Variants in GABRB2 observed in about 807,000 individuals in gnomAD.
GABRB2 encodes the protein gamma-aminobutyric acid type A receptor subunit beta2.
A neutral mutation model predicts 54.7 loss-of-function variants in GABRB2; 16 were observed. The observed-to-expected ratio is 0.29, with a 90% CI of 0.20 to 0.44. The LOEUF (loss-of-function observed/expected upper bound fraction) is 0.44. Ranked by LOEUF, GABRB2 falls within the 20% of genes least tolerant of loss-of-function variation. The pLI, the probability that GABRB2 is intolerant of heterozygous loss-of-function variation, is 1.00. For missense variants in GABRB2, 355 were observed against 644.0 expected (o/e 0.55, Z 4.86); for synonymous variants, 244 against 233.8 (o/e 1.04, Z -0.40).
intron 5 of GABRB2, among the ~76,000 whole-genome samples, chr5:161,352,407 A>G (rs1754501055): frequency 6.6e-6 from 1 of 152,088 alleles, no homozygotes; most frequent in Non-Finnish European, 1.5e-5. Context: ...ATTTGCGACA[A>G]CATGAATGAA....
intron 5 of GABRB2, among the ~76,000 whole-genome samples, chr5:161,402,108 C>G (rs1756214602): frequency 6.6e-6 from 1 of 151,398 alleles, no homozygotes; most frequent in African/African-American, 2.4e-5. Context: ...TACATTCATA[C>G]ATATAAAATC....
At chr5:161,340,376 A>G (rs11951722) in intron 5 of GABRB2, among the ~76,000 whole-genome samples, 3,585 of 152,056 alleles carry the variant, frequency 0.024, 142 homozygotes, top group African/African-American at 0.081. Flanking sequence ...GGTTTATATA[A>G]ATGCTTTCTC....
At chr5:161,456,233 A>G (rs1757952246) in intron 4 of GABRB2, among the ~76,000 whole-genome samples, 2 of 152,176 alleles carry the variant, frequency 1.3e-5, no homozygotes, top group Non-Finnish European at 2.9e-5. Flanking sequence ...TACCCAGACT[A>G]GTAAATTTTG....
intron 3 of GABRB2, among the ~76,000 whole-genome samples, chr5:161,514,456 G>A (rs928926707): frequency 1.3e-5 from 2 of 152,106 alleles, no homozygotes; most frequent in African/African-American, 4.8e-5. Flanking sequence ...GGTCTGTCTT[G>A]TTCATCTTTT....
intron 9 of GABRB2, among the ~76,000 whole-genome samples, chr5:161,324,580 A>T (rs979821367): frequency 1.3e-5 from 2 of 152,148 alleles, no homozygotes; most frequent in African/African-American, 4.8e-5. Context: ...TATAAATGAC[A>T]ATGCTTGAAT....
rs1295068246 is a variant in GABRB2, at chr5:161,330,906, T to G, written c.1054A>C (p.Lys352Gln). The change falls in exon 8 of 10, where the codon AAG (lysine) becomes CAG (glutamine). Residue 352 changes from lysine to glutamine, a missense_variant. Lys to Gln is a moderately conservative substitution (Grantham distance 53). This residue lies in a region of GABRB2 where 201 missense variants were observed against 228.1 expected (regional missense o/e 0.88). Coordinates refer to ENST00000393959, the MANE Select transcript of GABRB2 (RefSeq NM_001371727.1). The stretch of plus-strand genomic sequence containing the variant: ...ACCTTGTTGACATCCAGGCGCATCT[T>G]CTCATTGTTGGCACTGGCAGCCTTC... The part of the protein sequence containing the change: ...AEKAASANNE[K>Q]MRLDVNKIFY... The G allele has an allele frequency of 1.2e-6, 2 of 1,614,226 alleles. No homozygotes were observed. Among genetic ancestry groups the G allele is most frequent in the Non-Finnish European group, 1.7e-6 (2 of 1,180,030 alleles).
chr5:161,487,975 C>G (rs922250294), intron 3 of GABRB2, among the ~76,000 whole-genome samples: 2 of 151,610 alleles, frequency 1.3e-5, no homozygotes, highest in Non-Finnish European at 2.9e-5. Flanking sequence ...CCCTTAAGAA[C>G]TACAAGAGAA....
chr5:161,299,196 C>T (rs544586478), intron 9 of GABRB2, among the ~76,000 whole-genome samples: 1 of 152,312 alleles, frequency 6.6e-6, no homozygotes, highest in Admixed American at 6.5e-5. Flanking sequence ...GACATCTGTG[C>T]TTTGCCTGTT....
intron 3 of GABRB2, among the ~76,000 whole-genome samples, chr5:161,538,541 C>T (rs1299222462): frequency 1.3e-5 from 2 of 152,134 alleles, no homozygotes; most frequent in African/African-American, 2.4e-5. Context: ...TAAACGCCTA[C>T]CTGGGCGGTG....
intron 3 of GABRB2, among the ~76,000 whole-genome samples, chr5:161,507,559 AAT>A (rs1346598389): frequency 6.6e-6 from 1 of 152,038 alleles, no homozygotes; most frequent in African/African-American, 2.4e-5. Flanking sequence ...TATATGTAAA[AAT>A]ATATGTGTGT....
intron 3 of GABRB2, among the ~76,000 whole-genome samples, chr5:161,479,277 G>T (rs547628038): frequency 1.6e-4 from 24 of 152,102 alleles, no homozygotes; most frequent in African/African-American, 5.5e-4. Flanking sequence ...GCACAAACAG[G>T]CCAGGATTGT....
chr5:161,540,958 AC>A (rs1190792367), intron 3 of GABRB2, among the ~76,000 whole-genome samples: 3 of 151,980 alleles, frequency 2.0e-5, no homozygotes, highest in Non-Finnish European at 2.9e-5. Flanking sequence ...GTGATCCTCC[AC>A]CTCAGCCTCC....
intron 5 of GABRB2, among the ~76,000 whole-genome samples, chr5:161,367,821 A>G (rs1755013027): frequency 6.6e-6 from 1 of 152,188 alleles, no homozygotes; most frequent in African/African-American, 2.4e-5. Context: ...AAATACTAAC[A>G]CCAGGAAATA....
chr5:161,351,146 G>A (rs2113434759), intron 5 of GABRB2, among the ~76,000 whole-genome samples: 1 of 152,186 alleles, frequency 6.6e-6, no homozygotes, highest in Admixed American at 6.5e-5. Context: ...CACATTAAAT[G>A]CACTCCTTAT....
At chr5:161,513,066 A>C (rs990744335) in intron 3 of GABRB2, among the ~76,000 whole-genome samples, 3 of 151,562 alleles carry the variant, frequency 2.0e-5, no homozygotes, top group Non-Finnish European at 4.4e-5. Flanking sequence ...GAAAAAAAAA[A>C]ACAAAAAAAC....
Position 161,545,411 on chromosome 5 carries a change from AT to A in GABRB2, c.170-118del, listed in dbSNP as rs1374287499. The A allele has an allele frequency of 1.0e-5, 5 of 497,138 alleles. No individual in the cohort carries two copies. In the African/African-American group the frequency reaches 1.1e-4, roughly 11 times the overall value. The allele number at this position is 497,138 out of a possible 1,614,324, so 30.8% of individuals were successfully genotyped here. The stretch of plus-strand genomic sequence containing the variant: ...ACCCTTCTGCACTACTCAATCTCAA[AT>A]TTTTCAATTCTCTGCTTTTTTTGTT... On this transcript the variant is annotated intron_variant, in intron 2 of 9. Coordinates refer to ENST00000393959, the MANE Select transcript of GABRB2 (RefSeq NM_001371727.1).
intron 8 of GABRB2, among the ~76,000 whole-genome samples, chr5:161,327,293 GC>G (rs1171391651): frequency 6.6e-6 from 1 of 152,166 alleles, no homozygotes. Flanking sequence ...TGTGCAGGTA[GC>G]TGGGATTTTT....
rs578156361 is a variant in GABRB2, at chr5:161,531,700, T to G, written c.237+13527A>C. Among the ~76,000 whole-genome samples the G allele has an allele frequency of 2.3e-3, 347 of 152,050 alleles. 4 individuals carry two copies. Among genetic ancestry groups the G allele is most frequent in the African/African-American group, 8.2e-3 (338 of 41,472 alleles). On this transcript the variant is annotated intron_variant, in intron 3 of 9. Transcript: ENST00000393959. ...GAACAAAACCAACTGTAATCTTCCA[T>G]TATTAATCACTATATTTTTTCTATG...
At chr5:161,334,999 C>T (rs1043349896) in intron 6 of GABRB2, 95 bp from the exon 7 acceptor site, 2 of 1,236,236 alleles carry the variant, frequency 1.6e-6, no homozygotes, top group Non-Finnish European at 2.3e-6. Flanking sequence ...TCTCTCAGTT[C>T]AGTTTTAGCT....
Sources: gnomAD v4.1 joint callset for allele counts (sites outside exome capture counted in the v4.1 genomes callset) on GRCh38, gnomAD v4.1.1 for gene constraint, gnomAD v4.1.1 regional missense constraint, MANE v1.5 for transcripts, NCBI Gene and HGNC (gene_info 2026-07-23, HGNC 2026-07-21) for gene names.